IGSF11: variants seen among roughly 807,000 people sequenced by gnomAD.
The protein encoded by IGSF11 is immunoglobulin superfamily member 11.
IGSF11 carries 22 observed loss-of-function variants against 41.0 expected under a neutral mutation model. The observed-to-expected ratio is 0.54, with a 90% CI of 0.38 to 0.77. The LOEUF is 0.77. Ranked by LOEUF, IGSF11 falls within the 30% of genes least tolerant of loss-of-function variation. IGSF11 has a pLI of 0.00. For synonymous variants in IGSF11, 219 were observed against 201.3 expected (o/e 1.09, Z -0.74); for missense variants, 444 against 530.8 (o/e 0.84, Z 1.61).
chr3:119,111,343 A>G (rs2077155383), intron 1 of IGSF11, among the ~76,000 whole-genome samples: 1 of 151,846 alleles, frequency 6.6e-6, no homozygotes, highest in South Asian at 2.1e-4. Context: ...CATTCATTTC[A>G]TCTTCCATCA....
intron 1 of IGSF11, among the ~76,000 whole-genome samples, chr3:119,001,935 T>C (rs1307463186): frequency 8.8e-5 from 12 of 136,978 alleles, no homozygotes; most frequent in Admixed American, 5.9e-4. Context: ...TAAACATAAG[T>C]GTGCATGTGT....
At chr3:119,073,508 G>A (rs888855502) in intron 1 of IGSF11, among the ~76,000 whole-genome samples, 2 of 152,214 alleles carry the variant, frequency 1.3e-5, no homozygotes, top group African/African-American at 2.4e-5. Flanking sequence ...ACCGTGGGGG[G>A]GCTCGGGCAT....
chr3:119,130,390 A>G (rs1338374287), intron 1 of IGSF11, among the ~76,000 whole-genome samples: 3 of 152,248 alleles, frequency 2.0e-5, no homozygotes, highest in Non-Finnish European at 2.9e-5. Context: ...AGCAACGAGC[A>G]GACCAGGAGA....
intron 1 of IGSF11, among the ~76,000 whole-genome samples, chr3:119,070,981 T>C: frequency 6.6e-6 from 1 of 152,182 alleles, no homozygotes; most frequent in East Asian, 1.9e-4. Flanking sequence ...CTACAGTAGG[T>C]AGAGAACAGA....
intron 1 of IGSF11, among the ~76,000 whole-genome samples, chr3:119,067,595 A>C (rs1158374566): frequency 3.3e-5 from 5 of 152,190 alleles, no homozygotes; most frequent in Non-Finnish European, 5.9e-5. Flanking sequence ...CTCCCTCGTA[A>C]TACCAAAACT....
chr3:119,131,834 C>A (rs1021711052), intron 1 of IGSF11, among the ~76,000 whole-genome samples: 1 of 152,298 alleles, frequency 6.6e-6, no homozygotes, highest in Non-Finnish European at 1.5e-5. Flanking sequence ...GGAAGCCCAT[C>A]AGACTAACAG....
At chr3:119,010,548 G>A (rs1937998198) in intron 1 of IGSF11, among the ~76,000 whole-genome samples, 1 of 152,132 alleles carries the variant, frequency 6.6e-6, no homozygotes, top group African/African-American at 2.4e-5. Flanking sequence ...AAAACAAAAG[G>A]CAGAGGAAGG....
intron 1 of IGSF11, among the ~76,000 whole-genome samples, chr3:119,094,784 G>T (rs2076823130): frequency 6.6e-6 from 1 of 150,922 alleles, no homozygotes. Context: ...CCATTCTCCT[G>T]CCTCAGCCTG....
At chr3:119,017,925 G>A (rs536967650) in intron 1 of IGSF11, among the ~76,000 whole-genome samples, 1 of 151,764 alleles carries the variant, frequency 6.6e-6, no homozygotes, top group African/African-American at 2.4e-5. Context: ...TGGGATTACA[G>A]GTATGCGCCA....
At chr3:118,975,837 G>A (rs1443042428) in intron 1 of IGSF11, among the ~76,000 whole-genome samples, 1 of 152,116 alleles carries the variant, frequency 6.6e-6, no homozygotes, top group Non-Finnish European at 1.5e-5. Context: ...TGGACAAAAA[G>A]ATGAGAACAA....
At chr3:119,122,657 G>A (rs910164281) in intron 1 of IGSF11, among the ~76,000 whole-genome samples, 3 of 152,216 alleles carry the variant, frequency 2.0e-5, no homozygotes, top group South Asian at 2.1e-4. Flanking sequence ...CCTCCTGGGA[G>A]AAGAGAGAAT....
intron 1 of IGSF11, among the ~76,000 whole-genome samples, chr3:118,955,336 A>AG (rs1208088655): frequency 6.6e-6 from 1 of 152,276 alleles, no homozygotes; most frequent in Admixed American, 6.5e-5. Context: ...ATGGAACCGG[A>AG]GACCATTATT....
At position 119,034,657 on chromosome 3, in the gene IGSF11, C is replaced by A; in HGVS notation, c.-75G>T. 1 of 1,478,370 alleles carries A rather than the reference C, an allele frequency of 6.8e-7. No individual in the cohort carries two copies. Among genetic ancestry groups the A allele is most frequent in the Non-Finnish European group, 9.0e-7 (1 of 1,108,228 alleles). 91.6% of individuals were successfully genotyped at this position (1,478,370 alleles called of 1,614,324 possible). On this transcript the variant is annotated 5_prime_UTR_variant, in exon 1 of 7. Transcript: ENST00000393775. ...ACAGGAGAGGAGCGGGCGTGAGTCTCCGCGCTCTTGGGGCAGCCTGGTCCT... is the reference window on the plus strand; with the variant it reads ...ACAGGAGAGGAGCGGGCGTGAGTCTACGCGCTCTTGGGGCAGCCTGGTCCT...
intron 1 of IGSF11, among the ~76,000 whole-genome samples, chr3:119,115,408 T>C (rs147982265): frequency 1.2e-3 from 181 of 152,348 alleles, no homozygotes; most frequent in African/African-American, 4.2e-3. Flanking sequence ...CTTGGCAGCA[T>C]TTGTTAATTG....
intron 1 of IGSF11, among the ~76,000 whole-genome samples, chr3:118,936,375 C>T (rs1020578555): frequency 5.3e-5 from 8 of 151,884 alleles, no homozygotes; most frequent in African/African-American, 1.9e-4. Flanking sequence ...GGCGTGGTGG[C>T]AGGTGCCTGT....
intron 1 of IGSF11, among the ~76,000 whole-genome samples, chr3:119,060,119 G>A (rs1234486414): frequency 2.0e-5 from 3 of 152,056 alleles, no homozygotes; most frequent in East Asian, 1.9e-4. Context: ...TAGACTTCCC[G>A]TCTTTTCTAT....
rs1352036259 is a variant in IGSF11, at chr3:118,901,503, T to A, written c.*1017A>T. On this transcript the variant is annotated 3_prime_UTR_variant, in exon 7 of 7. Coordinates refer to ENST00000393775, the MANE Select transcript of IGSF11 (RefSeq NM_001015887.3). ...TCAAATAAGGAGAAAGTTACATACCTCAGTACAAAAGGCATCAGGTGCTGC... is the reference window on the plus strand; with the variant it reads ...TCAAATAAGGAGAAAGTTACATACCACAGTACAAAAGGCATCAGGTGCTGC... The A allele has an allele frequency of 6.6e-6, 1 of 152,252 alleles. No homozygotes were observed. The highest frequency in any genetic ancestry group is 1.9e-4 in the East Asian group (1 of 5,188). 9.4% of individuals were successfully genotyped at this position (152,252 alleles called of 1,614,324 possible).
chr3:119,131,387 A>C (rs1305303415), intron 1 of IGSF11, among the ~76,000 whole-genome samples: 1 of 152,220 alleles, frequency 6.6e-6, no homozygotes, highest in African/African-American at 2.4e-5. Flanking sequence ...AAACCATGGC[A>C]CAAGAACTTC....
At chr3:119,130,560 G>A (rs192754998) in intron 1 of IGSF11, among the ~76,000 whole-genome samples, 50 of 152,324 alleles carry the variant, frequency 3.3e-4, no homozygotes, top group Non-Finnish European at 5.0e-4. Context: ...CAGGAAGCTC[G>A]AACTGGGCAG....
Sources: gnomAD v4.1 joint callset for allele counts (sites outside exome capture counted in the v4.1 genomes callset) on GRCh38, gnomAD v4.1.1 for gene constraint, MANE v1.5 for transcripts, NCBI Gene and HGNC (gene_info 2026-07-23, HGNC 2026-07-21) for gene names.